IFNGR1: variants seen among roughly 807,000 people sequenced by gnomAD.
IFNGR1 encodes the protein interferon gamma receptor 1.
IFNGR1 carries 23 observed loss-of-function variants against 35.4 expected under a neutral mutation model. The observed-to-expected ratio is 0.65, with a 90% confidence interval of 0.47 to 0.92. The LOEUF is 0.92. Ranked by LOEUF, IFNGR1 falls within the 40% of genes least tolerant of loss-of-function variation. The probability of loss-of-function intolerance (pLI) is 0.00; values close to 1 mark genes in which losing one functional copy is unlikely to be tolerated. For missense variants in IFNGR1, 533 were observed against 583.4 expected (o/e 0.91, Z 0.89); for synonymous variants, 199 against 209.5 (o/e 0.95, Z 0.43).
Position 137,206,292 on chromosome 6 carries a change from A to G in IFNGR1, c.217T>C (p.Trp73Arg). 6.2e-7 allele frequency: 1 copy of G among 1,601,366 alleles called. No homozygotes were observed. Among genetic ancestry groups the G allele is most frequent in the Non-Finnish European group, 8.6e-7 (1 of 1,168,394 alleles). Reference protein sequence around the residue: ...VKNYGVKNSEWIDACINISHH... With the variant: ...VKNYGVKNSERIDACINISHH... ...GAAATATTGATGCAGGCATCAATCCATTCTGAATTCTTAACACTAAAAAGA... is the reference window on the plus strand; with the variant it reads ...GAAATATTGATGCAGGCATCAATCCGTTCTGAATTCTTAACACTAAAAAGA... Residue 73 changes from tryptophan to arginine, a missense_variant, in exon 3 of 7, where the codon TGG (tryptophan) becomes CGG (arginine). Coordinates refer to ENST00000367739, the MANE Select transcript of IFNGR1 (RefSeq NM_000416.3).
chr6:137,204,437 G>A lies in IFNGR1; in HGVS notation c.441C>T (p.His147=). Residue 147 remains histidine (H), a synonymous_variant, in exon 4 of 7, where the codon CAC becomes CAT. Transcript: ENST00000367739. ...CGTCTCCATTTACAAAAACTGAAGG[G>A]TGAAATATGTCAATCATGATTTGCT... is the stretch of plus-strand genomic sequence containing the variant. ...EEKQIMIDIF[H]PSVFVNGDEQ... is the part of the protein sequence containing the mutation. The A allele has an allele frequency of 6.2e-7, 1 of 1,613,756 alleles. No individual in the cohort carries two copies. The highest frequency in any genetic ancestry group is 8.5e-7 in the Non-Finnish European group (1 of 1,179,702).
chr6:137,207,872 G>C (rs1359666887), intron 1 of IFNGR1, among the ~76,000 whole-genome samples: 1 of 152,212 alleles, frequency 6.6e-6, no homozygotes, highest in African/African-American at 2.4e-5. Flanking sequence ...AAGCAACTTT[G>C]GAACAGGGTA....
intron 1 of IFNGR1, among the ~76,000 whole-genome samples, chr6:137,216,614 G>GT (rs1196455173): frequency 1.3e-5 from 2 of 152,166 alleles, no homozygotes; most frequent in Non-Finnish European, 2.9e-5. Flanking sequence ...CCCAGCAACA[G>GT]TAAGAATAAG....
rs1203393893 is a variant in IFNGR1, at chr6:137,207,075, G to A, written c.88C>T (p.Pro30Ser). 1 of 1,613,762 alleles carries A rather than the reference G, an allele frequency of 6.2e-7. No homozygotes were observed. The highest frequency in any genetic ancestry group is 1.1e-5 in the South Asian group (1 of 91,062). The change falls in exon 2 of 7, where the codon CCT becomes TCT. Residue 30 changes from proline (P) to serine (S), a missense_variant and splice_region_variant. By Grantham distance (74) the Pro-to-Ser change is moderately conservative. Coordinates refer to ENST00000367739, the MANE Select transcript of IFNGR1 (RefSeq NM_000416.3). Reference sequence around the variant, plus strand: ...TCAATTGTAACATTAGTTGGTGTAGGCACTGTAAGAAAATAAAAAAGTAAA... The same window carrying A: ...TCAATTGTAACATTAGTTGGTGTAGACACTGTAAGAAAATAAAAAAGTAAA... ...GTADLGPSSV[P>S]TPTNVTIESY... is the part of the protein sequence containing the mutation.
chr6:137,219,187 A>ATCCC lies in IFNGR1; in HGVS notation c.85+52_85+55dup. On this transcript the variant is annotated intron_variant, in intron 1 of 6. Coordinates refer to ENST00000367739, the MANE Select transcript of IFNGR1 (RefSeq NM_000416.3). ...GGGCGGGGCTTCCCGGCTGGGGCGG[A>ATCCC]TCCCTCCCTCCCTCTCGTCCCGACC... is the stretch of plus-strand genomic sequence containing the variant. 8 of 1,554,126 alleles carry ATCCC rather than the reference A, an allele frequency of 5.1e-6. No individual in the cohort carries two copies. In the South Asian group the frequency reaches 8.3e-5, roughly 16 times the overall value.
Position 137,218,976 on chromosome 6 carries a change from T to C in IFNGR1, c.85+267A>G, listed in dbSNP as rs551578413. On this transcript the variant is annotated intron_variant, in intron 1 of 6. Transcript: ENST00000367739. ...TGCAGCGCATAATCGTATTTAAAAG[T>C]GGATTACAAGAGTCGGAAAAACAAG... 211 of 560,780 alleles carry C rather than the reference T, an allele frequency of 3.8e-4. 1 individual carries two copies. The highest frequency in any genetic ancestry group is 3.5e-3 in the African/African-American group (185 of 52,776). The allele number at this position is 560,780 out of a possible 1,614,324, so 34.7% of individuals were successfully genotyped here.
intron 1 of IFNGR1, among the ~76,000 whole-genome samples, chr6:137,210,628 G>A (rs916899676): frequency 6.6e-6 from 1 of 152,168 alleles, no homozygotes; most frequent in Non-Finnish European, 1.5e-5. Context: ...TTTTTCCAAA[G>A]TGCCTTGGAT....
intron 1 of IFNGR1, chr6:137,218,513 G>C: frequency 7.8e-7 from 1 of 1,288,994 alleles, no homozygotes; most frequent in Non-Finnish European, 1.0e-6. Context: ...AAGACGGACT[G>C]CCACTTACTT....
intron 1 of IFNGR1, among the ~76,000 whole-genome samples, chr6:137,210,690 A>T (rs1355616567): frequency 6.6e-6 from 1 of 152,146 alleles, no homozygotes; most frequent in Non-Finnish European, 1.5e-5. Flanking sequence ...AAATAAGAAA[A>T]ATACTCCCTA....
At chr6:137,204,062 G>A (rs571427453) in intron 4 of IFNGR1, among the ~76,000 whole-genome samples, 3 of 152,270 alleles carry the variant, frequency 2.0e-5, no homozygotes, top group Admixed American at 6.5e-5. Flanking sequence ...TACCAGTGGA[G>A]CAATGGAGGT....
chr6:137,204,098 G>A (rs1480993229), intron 4 of IFNGR1, among the ~76,000 whole-genome samples: 2 of 152,130 alleles, frequency 1.3e-5, no homozygotes. Context: ...CTAGATTAGA[G>A]CCATTCTGCT....
intron 1 of IFNGR1, among the ~76,000 whole-genome samples, 154 bp from the exon 2 acceptor site, chr6:137,207,231 C>T (rs1187743541): frequency 6.6e-6 from 1 of 152,092 alleles, no homozygotes; most frequent in East Asian, 1.9e-4. Context: ...GAAGAGTAGA[C>T]ATCTAGAAAT....
chr6:137,206,077 A>T (rs1779420521), intron 3 of IFNGR1, 59 bp downstream of exon 3: 1 of 1,353,776 alleles, frequency 7.4e-7, no homozygotes, highest in Non-Finnish European at 1.1e-6. Flanking sequence ...GCAAACATAC[A>T]GAAGACATGT....
At chr6:137,199,525 T>TA (rs1270127369) in intron 6 of IFNGR1, among the ~76,000 whole-genome samples, 3 of 91,156 alleles carry the variant, frequency 3.3e-5, no homozygotes, top group Non-Finnish European at 5.8e-5. Flanking sequence ...ATATATTATA[T>TA]ATAATATATA....
At position 137,206,173 on chromosome 6, in the gene IFNGR1, G is replaced by A. The variant is rs148086364; in HGVS notation, c.336C>T (p.Ala112=). The part of the protein sequence containing the change: ...VKARVGQKES[A]YAKSEEFAVC... The stretch of plus-strand genomic sequence containing the variant: ...CAGCAAATTCTTCTGACTTTGCATA[G>A]GCAGATTCTTTTTGTCCAACCCTGG... The change falls in exon 3 of 7, where the codon GCC becomes GCT. Residue 112 remains alanine, a synonymous_variant. Transcript: ENST00000367739. 257 of 1,614,050 alleles carry A rather than the reference G, an allele frequency of 1.6e-4. 1 individual carries two copies. The African/African-American group carries it at 2.9e-3, about 19-fold the overall frequency.
chr6:137,215,345 T>C, intron 1 of IFNGR1: 3 of 1,542,942 alleles, frequency 1.9e-6, no homozygotes, highest in Non-Finnish European at 8.7e-7. Flanking sequence ...TGTTTCCTGA[T>C]TTTATTACAT....
intron 6 of IFNGR1, among the ~76,000 whole-genome samples, chr6:137,199,521 T>A (rs1332939059): frequency 1.2e-4 from 11 of 93,978 alleles, no homozygotes; most frequent in African/African-American, 3.0e-4. Flanking sequence ...TATAATATAT[T>A]ATATATAATA....
chr6:137,217,000 C>T (rs1278076513), intron 1 of IFNGR1, among the ~76,000 whole-genome samples: 1 of 152,186 alleles, frequency 6.6e-6, no homozygotes, highest in East Asian at 1.9e-4. Context: ...GCAAATTGTG[C>T]ACTCACAGGG....
rs1779127962 is a variant in IFNGR1 at position 137,197,952 on chromosome 6, A to G, written c.*79T>C. The G allele has an allele frequency of 1.1e-5, 18 of 1,592,032 alleles. No homozygotes were observed. The highest frequency in any genetic ancestry group is 1.7e-4 in the Middle Eastern group (1 of 5,732). On this transcript the variant is annotated 3_prime_UTR_variant, in exon 7 of 7. Transcript: ENST00000367739. ...TACCAACTAAGATACAATTTCTGAG[A>G]TCATAATCTTTTCATGAAATTAAAG... is the stretch of plus-strand genomic sequence containing the variant.
Sources: allele counts gnomAD v4.1 joint callset (sites outside exome capture counted in the v4.1 genomes callset), GRCh38; gene constraint gnomAD v4.1.1; transcripts MANE v1.5; gene names NCBI Gene and HGNC (gene_info 2026-07-23, HGNC 2026-07-21).